The following RHD variants were observed in gnomAD, a reference collection of about 807,000 sequenced individuals.
RHD encodes the protein blood group Rh(D) polypeptide.
A neutral mutation model predicts 45.5 loss-of-function variants in RHD; 16 were observed. That is an observed-to-expected ratio of 0.35 (90% CI 0.24 to 0.53). RHD has a LOEUF of 0.53. RHD is among the 20% of genes least tolerant of loss of function. The probability of loss-of-function intolerance (pLI) is 0.92; values close to 1 mark genes in which losing one functional copy is unlikely to be tolerated. For synonymous variants in RHD, 131 were observed against 217.5 expected, an observed-to-expected ratio of 0.60 and a Z score of 3.50; for missense variants, 306 against 532.0, an observed-to-expected ratio of 0.58 and a Z score of 4.18.
intron 1 of RHD, among the ~76,000 whole-genome samples, chr1:25,283,137 G>A (rs1486028493): frequency 7.6e-6 from 1 of 132,360 alleles, no homozygotes; most frequent in Non-Finnish European, 1.8e-5. Context: ...TAATGAAGGA[G>A]TATGATCATT....
rs1167708726 is a variant in RHD at position 25,303,587 on chromosome 1, A to C, written c.939+128A>C. On this transcript the variant is annotated intron_variant, in intron 6 of 9. Coordinates refer to ENST00000328664, the MANE Select transcript of RHD (RefSeq NM_016124.6). ...TCGGCGCATTCTCTTATTGGCTTCA[A>C]CGCCTAGTGAGGGATCCATCCTGGC... 2 of 994,586 alleles carry C rather than the reference A, an allele frequency of 2.0e-6. 1 individual carries two copies. The highest frequency in any genetic ancestry group is 3.1e-6 in the Non-Finnish European group (2 of 653,680). The allele number at this position is 994,586 out of a possible 1,614,324, so 61.6% of individuals were successfully genotyped here. A position where few individuals can be genotyped will look rare whatever the true frequency, so the allele number is the denominator to read the frequency against.
At chr1:25,305,043 C>A (rs28410423) in intron 6 of RHD, among the ~76,000 whole-genome samples, 2 of 132,170 alleles carry the variant, frequency 1.5e-5, no homozygotes, top group African/African-American at 5.2e-5. Flanking sequence ...GTTTAGTGAG[C>A]GAAATGGATA....
At chr1:25,318,551 G>A (rs1274095913) in intron 8 of RHD, among the ~76,000 whole-genome samples, 1 of 131,272 alleles carries the variant, frequency 7.6e-6, no homozygotes, top group African/African-American at 2.6e-5. Flanking sequence ...TTGCACCACT[G>A]CCCTCCAGCC....
intron 3 of RHD, among the ~76,000 whole-genome samples, chr1:25,293,447 A>C (rs1441264883): frequency 7.7e-6 from 1 of 130,170 alleles, no homozygotes. Context: ...ATAACAATTT[A>C]TTACTTATAG....
rs190278966 is a variant in RHD, at chr1:25,278,733, A to G, written c.149-5840A>G. Among the ~76,000 whole-genome samples, 313 of 132,026 alleles carry G rather than the reference A, an allele frequency of 2.4e-3. 51 individuals carry two copies. Among genetic ancestry groups the G allele is most frequent in the African/African-American group, 7.3e-3 (281 of 38,642 alleles). The allele number at this position is 132,026 out of a possible 152,430, so 86.6% of individuals were successfully genotyped here. On this transcript the variant is annotated intron_variant, in intron 1 of 9. Transcript: ENST00000328664. Reference sequence around the variant, plus strand: ...TTCCTCAAAGGCAGAGAGAGGGGCTACTAGAAGACAGAGGAGTTTTCCCAG... The same window carrying G: ...TTCCTCAAAGGCAGAGAGAGGGGCTGCTAGAAGACAGAGGAGTTTTCCCAG...
In RHD at chr1:25,329,269, T is replaced by C. The variant is rs559317219; in HGVS notation, c.*345T>C. On this transcript the variant is annotated 3_prime_UTR_variant, in exon 10 of 10. Transcript: ENST00000328664. Reference sequence around the variant, plus strand: ...TTTTTTTTTTTTTTTTTTTGAGATGTAGTCTTACTCTGTCACCCAGGCTAG... The same window carrying C: ...TTTTTTTTTTTTTTTTTTTGAGATGCAGTCTTACTCTGTCACCCAGGCTAG... 85 of 508,136 alleles carry C rather than the reference T, an allele frequency of 1.7e-4. 12 individuals are homozygous for C. The South Asian group carries it at 1.9e-3, about 11-fold the overall frequency. The allele number at this position is 508,136 out of a possible 1,614,324, so 31.5% of individuals were successfully genotyped here.
Position 25,289,823 on chromosome 1 carries a change from ATT to A in RHD, c.336-805_336-804del, listed in dbSNP as rs71014347. 1.6e-4 allele frequency among the ~76,000 whole-genome samples: 19 copies of A among 115,864 alleles called. 2 individuals carry two copies. Among genetic ancestry groups the A allele is most frequent in the African/African-American group, 3.6e-4 (12 of 33,698 alleles). The allele number at this position is 115,864 out of a possible 152,430, so 76.0% of individuals were successfully genotyped here. On this transcript the variant is annotated intron_variant, in intron 2 of 9. Transcript: ENST00000328664. ...TGTAGCCTGTCTAGATCATAAGTAC[ATT>A]TTTTTTTTTTTTGGATCATAAGTAT...
intron 7 of RHD, among the ~76,000 whole-genome samples, chr1:25,313,815 C>T (rs1465998681): frequency 7.5e-6 from 1 of 132,548 alleles, no homozygotes; most frequent in African/African-American, 2.6e-5. Flanking sequence ...TATGAGTTTC[C>T]TATGCCTGAG....
intron 2 of RHD, among the ~76,000 whole-genome samples, chr1:25,287,098 C>A (rs1642087282): frequency 7.4e-6 from 1 of 134,808 alleles, no homozygotes; most frequent in African/African-American, 2.6e-5. Flanking sequence ...GTCTCAAAAA[C>A]AAAACAAAAC....
At position 25,290,808 on chromosome 1, in the gene RHD, G is replaced by C. The variant is rs1642437370; in HGVS notation, c.486+17G>C. ...ATCTTCAACGTGAGTCATGGTGCTGGGAGGAGGGACCTGGGAGAAAAGGGC... is the reference window on the plus strand; with the variant it reads ...ATCTTCAACGTGAGTCATGGTGCTGCGAGGAGGGACCTGGGAGAAAAGGGC... On this transcript the variant is annotated intron_variant, in intron 3 of 9. Coordinates refer to ENST00000328664, the MANE Select transcript of RHD (RefSeq NM_016124.6). 7.3e-7 allele frequency: 1 copy of C among 1,375,908 alleles called. No homozygotes were observed. Among genetic ancestry groups the C allele is most frequent in the Non-Finnish European group, 1.0e-6 (1 of 977,452 alleles). 85.2% of individuals were successfully genotyped at this position (1,375,908 alleles called of 1,614,324 possible).
Position 25,306,643 on chromosome 1 carries a change from C to T in RHD, c.987C>T (p.Gly329=). Residue 329 remains glycine, a synonymous_variant, in exon 7 of 10, where the codon GGC becomes GGT. Transcript: ENST00000328664. ...VLGIPHSSIM[G]YNFSLLGLLG... is the part of the protein sequence containing the mutation. The stretch of plus-strand genomic sequence containing the variant: ...GGATTCCCCACAGCTCCATCATGGG[C>T]TACAACTTCAGCTTGCTGGGTCTGC... 1 of 1,378,454 alleles carries T rather than the reference C, an allele frequency of 7.3e-7. No individual in the cohort carries two copies. The highest frequency in any genetic ancestry group is 1.0e-6 in the Non-Finnish European group (1 of 978,870). The allele number at this position is 1,378,454 out of a possible 1,614,324, so 85.4% of individuals were successfully genotyped here.
At chr1:25,319,695 A>C (rs868227994) in intron 8 of RHD, among the ~76,000 whole-genome samples, 15 of 132,390 alleles carry the variant, frequency 1.1e-4, no homozygotes, top group Middle Eastern at 4.1e-3. Context: ...CTCCCAGAAG[A>C]CAAGCATTTA....
chr1:25,299,308 A>G (rs1288498111), intron 3 of RHD, among the ~76,000 whole-genome samples: 2 of 130,084 alleles, frequency 1.5e-5, no homozygotes, highest in South Asian at 2.3e-4. Flanking sequence ...CTTGAACCCA[A>G]CGGGTGGAGG....
At position 25,310,282 on chromosome 1, in the gene RHD, A is replaced by ATG. The variant is rs1325416667; in HGVS notation, c.1073+3553_1073+3554insTG. On this transcript the variant is annotated intron_variant, in intron 7 of 9. Transcript: ENST00000328664. ...GAGGAAGGGCCTTTGGGAAGTAATT[A>ATG]GGATTAGATAAGGTCATGGGGTGAG... 5.3e-5 allele frequency among the ~76,000 whole-genome samples: 7 copies of ATG among 133,258 alleles called. 1 individual carries two copies. The highest frequency in any genetic ancestry group is 1.8e-4 in the African/African-American group (7 of 39,428). The allele number at this position is 133,258 out of a possible 152,430, so 87.4% of individuals were successfully genotyped here.
At chr1:25,283,300 G>T (rs1641661545) in intron 1 of RHD, among the ~76,000 whole-genome samples, 1 of 132,032 alleles carries the variant, frequency 7.6e-6, no homozygotes. Context: ...GGAAACCGAG[G>T]TGGGCAGATC....
chr1:25,290,339 C>T lies in RHD; in HGVS notation c.336-302C>T, dbSNP rs1642380603. ...AGGGAACAGTCACCCCGATCACCCTCAGTCAGATGAGTGTGTGTAGATCAA... is the reference window on the plus strand; with the variant it reads ...AGGGAACAGTCACCCCGATCACCCTTAGTCAGATGAGTGTGTGTAGATCAA... On this transcript the variant is annotated intron_variant, in intron 2 of 9. Transcript: ENST00000328664. Among the ~76,000 whole-genome samples the T allele has an allele frequency of 4.1e-5, 5 of 122,614 alleles. 2 individuals are homozygous for T. The South Asian group carries it at 1.3e-3, about 31-fold the overall frequency. The allele number at this position is 122,614 out of a possible 152,430, so 80.4% of individuals were successfully genotyped here.
chr1:25,320,436 GA>G, intron 8 of RHD, among the ~76,000 whole-genome samples: 1 of 132,090 alleles, frequency 7.6e-6, no homozygotes, highest in East Asian at 2.0e-4. Flanking sequence ...CAGCTATCTG[GA>G]AAATTCATGC....
At chr1:25,284,025 G>A (rs1305849310) in intron 1 of RHD, among the ~76,000 whole-genome samples, 3 of 134,904 alleles carry the variant, frequency 2.2e-5, no homozygotes, top group Non-Finnish European at 3.5e-5. Context: ...CAGGTCCCTC[G>A]CAGCAGGCGG....
In RHD at chr1:25,290,835, A is replaced by G. The variant is rs536119529; in HGVS notation, c.486+44A>G. The G allele has an allele frequency of 2.9e-6, 4 of 1,366,754 alleles. 1 individual carries two copies. In the East Asian group the frequency reaches 9.0e-5, roughly 31 times the overall value. 84.7% of individuals were successfully genotyped at this position (1,366,754 alleles called of 1,614,324 possible). On this transcript the variant is annotated intron_variant, in intron 3 of 9. Coordinates refer to ENST00000328664, the MANE Select transcript of RHD (RefSeq NM_016124.6). Reference sequence around the variant, plus strand: ...AGGAGGGACCTGGGAGAAAAGGGCCAAAAGCTCCATTTGGTGGGGTTTCCA... The same window carrying G: ...AGGAGGGACCTGGGAGAAAAGGGCCGAAAGCTCCATTTGGTGGGGTTTCCA...
Sources: gnomAD v4.1 joint callset for allele counts (sites outside exome capture counted in the v4.1 genomes callset) on GRCh38, gnomAD v4.1.1 for gene constraint, MANE v1.5 for transcripts, NCBI Gene and HGNC (gene_info 2026-07-23, HGNC 2026-07-21) for gene names.